The following LRRC7 variants were observed in gnomAD, a reference collection of about 807,000 sequenced individuals.
LRRC7 encodes leucine rich repeat containing 7.
Under a neutral mutation model 175.7 loss-of-function variants are expected in LRRC7, and 23 were observed. The ratio of observed to expected loss-of-function variants is 0.13; its 90% CI spans 0.09 to 0.19. The LOEUF is 0.19. LRRC7 is among the 10% of genes least tolerant of loss of function. LRRC7 has a pLI of 1.00. For missense variants in LRRC7, 1,354 were observed against 1,904.7 expected (o/e 0.71, Z 5.38); for synonymous variants, 685 against 680.9 (o/e 1.01, Z -0.09).
intron 2 of LRRC7, among the ~76,000 whole-genome samples, chr1:69,698,457 G>A (rs766259625): frequency 1.9e-4 from 29 of 152,256 alleles, no homozygotes; most frequent in Admixed American, 1.4e-3. Context: ...AATGGCTCTC[G>A]CCAAAGCTAC....
chr1:70,051,556 A>G (rs567652860), intron 22 of LRRC7, among the ~76,000 whole-genome samples: 1 of 152,194 alleles, frequency 6.6e-6, no homozygotes, highest in African/African-American at 2.4e-5. Context: ...CTAATTTTGA[A>G]GTAACACATA....
At chr1:70,061,731 A>G (rs1661593409) in intron 23 of LRRC7, among the ~76,000 whole-genome samples, 1 of 152,146 alleles carries the variant, frequency 6.6e-6, no homozygotes, top group Non-Finnish European at 1.5e-5. Context: ...TGTCCAAATA[A>G]AAAGAGCCTT....
At chr1:69,787,898 A>G in intron 3 of LRRC7, among the ~76,000 whole-genome samples, 1 of 151,964 alleles carries the variant, frequency 6.6e-6, no homozygotes, top group East Asian at 1.9e-4. Context: ...GCCAGACTAT[A>G]TCACTCCCTT....
At chr1:69,578,506 G>A (rs1293619009) in intron 1 of LRRC7, among the ~76,000 whole-genome samples, 37 of 145,000 alleles carry the variant, frequency 2.6e-4, no homozygotes, top group African/African-American at 7.8e-4. Flanking sequence ...TGTTTATTGC[G>A]GCACTATTCA....
intron 7 of LRRC7, among the ~76,000 whole-genome samples, chr1:69,906,801 T>G (rs993435876): frequency 6.6e-6 from 1 of 152,184 alleles, no homozygotes; most frequent in African/African-American, 2.4e-5. Context: ...GTGAAGAAAG[T>G]CATTGGTAGT....
intron 23 of LRRC7, among the ~76,000 whole-genome samples, chr1:70,067,012 A>G (rs997608838): frequency 3.9e-5 from 6 of 152,182 alleles, no homozygotes; most frequent in African/African-American, 1.4e-4. Context: ...TTTAATTTCA[A>G]TTTCCATAAT....
intron 21 of LRRC7, among the ~76,000 whole-genome samples, chr1:70,042,451 C>G (rs949275868): frequency 1.3e-5 from 2 of 152,176 alleles, no homozygotes; most frequent in African/African-American, 4.8e-5. Flanking sequence ...AGACAATTGC[C>G]TAGAGTCTTG....
intron 7 of LRRC7, among the ~76,000 whole-genome samples, chr1:69,899,329 C>A (rs542910060): frequency 1.2e-4 from 19 of 152,266 alleles, no homozygotes; most frequent in African/African-American, 3.9e-4. Flanking sequence ...GACCAGCTAC[C>A]AGCTGTTCGC....
chr1:69,984,529 A>G (rs904083591), intron 9 of LRRC7, among the ~76,000 whole-genome samples: 1 of 152,108 alleles, frequency 6.6e-6, no homozygotes, highest in Non-Finnish European at 1.5e-5. Context: ...CCCTAAAGGA[A>G]AAGGAAAATG....
chr1:70,098,694 T>G (rs1664587765), intron 25 of LRRC7, among the ~76,000 whole-genome samples: 1 of 151,908 alleles, frequency 6.6e-6, no homozygotes, highest in Admixed American at 6.5e-5. Flanking sequence ...TACAAACACC[T>G]CTACGCAAAT....
At chr1:69,875,627 A>G (rs1054689678) in intron 7 of LRRC7, among the ~76,000 whole-genome samples, 3 of 152,060 alleles carry the variant, frequency 2.0e-5, no homozygotes, top group Non-Finnish European at 2.9e-5. Context: ...CTTTTATTCT[A>G]AGAGGAATTA....
At chr1:70,042,212 C>T (rs921198755) in intron 21 of LRRC7, among the ~76,000 whole-genome samples, 1 of 152,194 alleles carries the variant, frequency 6.6e-6, no homozygotes, top group Admixed American at 6.5e-5. Flanking sequence ...CTATATCTTT[C>T]ATAAAACTTC....
intron 7 of LRRC7, among the ~76,000 whole-genome samples, chr1:69,927,140 A>C (rs1056050001): frequency 2.0e-5 from 3 of 152,266 alleles, no homozygotes; most frequent in East Asian, 1.9e-4. Flanking sequence ...TTGGCCCCCA[A>C]TGTCTTCTGG....
Position 69,600,977 on chromosome 1 carries a change from G to A in LRRC7, c.2+32336G>A, listed in dbSNP as rs866051259. Among the ~76,000 whole-genome samples, 9 of 151,730 alleles carry A rather than the reference G, an allele frequency of 5.9e-5. No individual in the cohort carries two copies. In the South Asian group the frequency reaches 8.3e-4, roughly 14 times the overall value. On this transcript the variant is annotated intron_variant, in intron 1 of 26. Coordinates refer to ENST00000651989, the MANE Select transcript of LRRC7 (RefSeq NM_001370785.2). ...CAGGCAGGCACCTGCCACTATGCCC[G>A]GCTAATTTTTGTACTTTTAGTAGAG... is the stretch of plus-strand genomic sequence containing the variant.
At chr1:69,826,926 G>C (rs1383117549) in intron 5 of LRRC7, among the ~76,000 whole-genome samples, 1 of 152,120 alleles carries the variant, frequency 6.6e-6, no homozygotes, top group Non-Finnish European at 1.5e-5. Flanking sequence ...GAGTGAAATA[G>C]ATGTAAAAGA....
intron 7 of LRRC7, among the ~76,000 whole-genome samples, chr1:69,850,277 G>T (rs546082113): frequency 6.6e-6 from 1 of 152,192 alleles, no homozygotes; most frequent in Non-Finnish European, 1.5e-5. Flanking sequence ...GAAGCACAAG[G>T]CCAGAGTAGT....
intron 2 of LRRC7, among the ~76,000 whole-genome samples, chr1:69,755,832 C>G (rs888282091): frequency 6.6e-5 from 10 of 151,870 alleles, no homozygotes; most frequent in Admixed American, 2.6e-4. Flanking sequence ...TTTTGGCTTG[C>G]TGCCAGATTA....
At chr1:69,708,899 A>G (rs1282205698) in intron 2 of LRRC7, among the ~76,000 whole-genome samples, 1 of 152,128 alleles carries the variant, frequency 6.6e-6, no homozygotes, top group African/African-American at 2.4e-5. Flanking sequence ...CATTACTTCC[A>G]CCTATTTTAT....
In LRRC7 at chr1:69,745,914, AAAAT is replaced by A. The variant is rs554301759; in HGVS notation, c.101-14271_101-14268del. The stretch of plus-strand genomic sequence containing the variant: ...CATACATAATTTTTATATTCTGAAG[AAAAT>A]AAATAGTAATTTAAATAACAAAATT... On this transcript the variant is annotated intron_variant, in intron 2 of 26. Coordinates refer to ENST00000651989, the MANE Select transcript of LRRC7 (RefSeq NM_001370785.2). 9.9e-5 allele frequency among the ~76,000 whole-genome samples: 15 copies of A among 152,048 alleles called. No homozygotes were observed. The East Asian group carries it at 2.9e-3, about 29-fold the overall frequency.
Sources: gnomAD v4.1 joint callset for allele counts (sites outside exome capture counted in the v4.1 genomes callset) on GRCh38, gnomAD v4.1.1 for gene constraint, MANE v1.5 for transcripts, NCBI Gene and HGNC (gene_info 2026-07-23, HGNC 2026-07-21) for gene names.